The following ROBO2 variants were observed in gnomAD, a reference collection of about 807,000 sequenced individuals.
ROBO2 encodes the protein roundabout guidance receptor 2, also known as roundabout homolog 2.
ROBO2 carries 53 observed loss-of-function variants against 160.8 expected under a neutral mutation model. That is an observed-to-expected ratio of 0.33 (90% confidence interval 0.26 to 0.41). ROBO2 has a LOEUF of 0.41. Ranked by LOEUF, ROBO2 falls within the 10% of genes least tolerant of loss-of-function variation. The probability of loss-of-function intolerance (pLI) is 1.00; values close to 1 mark genes in which losing one functional copy is unlikely to be tolerated. For missense variants in ROBO2, 1,577 were observed against 1,722.4 expected (o/e 0.92, Z 1.49); for synonymous variants, 664 against 611.7 (o/e 1.09, Z -1.26).
At position 76,957,214 on chromosome 3, in the gene ROBO2, G is replaced by A. The variant is rs117561206; in HGVS notation, c.110-140800G>A. Among the ~76,000 whole-genome samples, 98 of 151,634 alleles carry A rather than the reference G, an allele frequency of 6.5e-4. 1 individual carries two copies. In the East Asian group the frequency reaches 0.018, roughly 28 times the overall value. ...GGCTGAATCGTTTATCTGTACTGTG[G>A]TTTTGATTGATTATATCCATTTGCT... is the stretch of plus-strand genomic sequence containing the variant. On this transcript the variant is annotated intron_variant, in intron 2 of 26. Coordinates refer to the ROBO2 transcript ENST00000487694.
chr3:76,259,925 C>G (rs148522373), intron 2 of ROBO2, among the ~76,000 whole-genome samples: 129 of 152,298 alleles, frequency 8.5e-4, no homozygotes, highest in South Asian at 2.3e-3. Flanking sequence ...GTCAGGCTAA[C>G]TTACAAACTC....
intron 2 of ROBO2, among the ~76,000 whole-genome samples, chr3:76,351,873 T>C (rs2074897129): frequency 6.6e-6 from 1 of 152,006 alleles, no homozygotes; most frequent in Non-Finnish European, 1.5e-5. Flanking sequence ...CTAGCAACCC[T>C]ATAGTATTGT....
chr3:76,058,130 T>C (rs936730283), intron 2 of ROBO2, among the ~76,000 whole-genome samples: 1 of 152,146 alleles, frequency 6.6e-6, no homozygotes, highest in Admixed American at 6.6e-5. Context: ...ATACTTTCAG[T>C]TCTGGGACAC....
At chr3:76,322,198 ATATAT>A (rs1471665046) in intron 2 of ROBO2, among the ~76,000 whole-genome samples, 4 of 110,802 alleles carry the variant, frequency 3.6e-5, no homozygotes, top group Admixed American at 1.8e-4. Flanking sequence ...ATATATATAT[ATATAT>A]AATATACACA....
chr3:76,564,493 C>T (rs1193284950), intron 2 of ROBO2, among the ~76,000 whole-genome samples: 5 of 152,182 alleles, frequency 3.3e-5, no homozygotes, highest in African/African-American at 1.2e-4. Flanking sequence ...ATAAGGAAGA[C>T]AGTCACAAGT....
chr3:77,014,159 A>C lies in ROBO2; in HGVS notation c.110-83855A>C, dbSNP rs57759540. 6.4e-3 allele frequency among the ~76,000 whole-genome samples: 967 copies of C among 152,100 alleles called. 7 individuals are homozygous for C. Among genetic ancestry groups the C allele is most frequent in the African/African-American group, 0.022 (909 of 41,466 alleles). On this transcript the variant is annotated intron_variant, in intron 2 of 26. Transcript: ENST00000487694. ...TCATTTTCTTCATTTTTGAGGCTGA[A>C]TTTTAGAGCGTATAAACATATAGTC... is the stretch of plus-strand genomic sequence containing the variant.
At chr3:77,017,490 T>G (rs2062347206) in intron 2 of ROBO2, among the ~76,000 whole-genome samples, 1 of 152,194 alleles carries the variant, frequency 6.6e-6, no homozygotes, top group Admixed American at 6.5e-5. Flanking sequence ...TCTTGAGCAT[T>G]AGTTCATGAA....
intron 2 of ROBO2, among the ~76,000 whole-genome samples, chr3:76,467,327 T>C (rs752207166): frequency 3.9e-5 from 6 of 152,124 alleles, no homozygotes; most frequent in Admixed American, 1.3e-4. Context: ...GTGTTTCTTA[T>C]AGAAAAGCTA....
chr3:77,172,413 T>TA (rs1464365919), intron 2 of ROBO2, among the ~76,000 whole-genome samples: 32 of 152,200 alleles, frequency 2.1e-4, no homozygotes, highest in African/African-American at 7.5e-4. Flanking sequence ...TGATTTTTTT[T>TA]TAAAAATGTG....
At chr3:77,140,372 A>G (rs1395158984) in intron 2 of ROBO2, among the ~76,000 whole-genome samples, 2 of 152,228 alleles carry the variant, frequency 1.3e-5, no homozygotes, top group Non-Finnish European at 2.9e-5. Flanking sequence ...AATTCAGTTC[A>G]GTAAACACTG....
intron 2 of ROBO2, among the ~76,000 whole-genome samples, chr3:76,738,190 G>T (rs781096907): frequency 3.3e-5 from 5 of 151,958 alleles, no homozygotes; most frequent in African/African-American, 1.2e-4. Flanking sequence ...TATTTATTGC[G>T]TGCCTACTCT....
At chr3:77,246,887 G>A (rs922819000) in intron 2 of ROBO2, among the ~76,000 whole-genome samples, 1 of 152,104 alleles carries the variant, frequency 6.6e-6, no homozygotes, top group Admixed American at 6.5e-5. Flanking sequence ...TCCAGGCAAG[G>A]AAACAGGAAA....
At chr3:77,069,732 A>ACCAGGT (rs1363728561) in intron 1 of ROBO2, among the ~76,000 whole-genome samples, 2 of 152,164 alleles carry the variant, frequency 1.3e-5, no homozygotes, top group African/African-American at 4.8e-5. Flanking sequence ...AGCAGCACGG[A>ACCAGGT]CCAGGTGCCT....
chr3:77,570,541 C>CT (rs1406588665), intron 13 of ROBO2, among the ~76,000 whole-genome samples: 1 of 151,816 alleles, frequency 6.6e-6, no homozygotes, highest in Non-Finnish European at 1.5e-5. Context: ...ACATTTTACA[C>CT]TTTTTTTAAT....
At chr3:76,316,172 G>C (rs889534755) in intron 2 of ROBO2, among the ~76,000 whole-genome samples, 1 of 152,114 alleles carries the variant, frequency 6.6e-6, no homozygotes, top group Admixed American at 6.6e-5. Context: ...AACAGGGTTC[G>C]AGAGCAGAGA....
chr3:76,236,165 ATATT>A (rs1245341982), intron 2 of ROBO2, among the ~76,000 whole-genome samples: 2 of 152,048 alleles, frequency 1.3e-5, no homozygotes. Flanking sequence ...TTATTTGCCT[ATATT>A]TAATTTTCTA....
At chr3:76,201,676 G>A (rs775033565) in intron 2 of ROBO2, among the ~76,000 whole-genome samples, 3 of 151,984 alleles carry the variant, frequency 2.0e-5, no homozygotes, top group African/African-American at 7.2e-5. Flanking sequence ...GAAGCAGACG[G>A]CCATAAACTT....
At chr3:76,582,487 A>G (rs1014481247) in intron 2 of ROBO2, among the ~76,000 whole-genome samples, 1 of 152,196 alleles carries the variant, frequency 6.6e-6, no homozygotes, top group African/African-American at 2.4e-5. Flanking sequence ...CACATAGATT[A>G]TGATGTTACT....
chr3:77,340,702 T>C (rs762273160), intron 2 of ROBO2, among the ~76,000 whole-genome samples: 11 of 152,134 alleles, frequency 7.2e-5, no homozygotes, highest in Non-Finnish European at 1.6e-4. Flanking sequence ...CTAGCTTTTG[T>C]ATTTTAAAGC....
Sources: gnomAD v4.1 joint callset for allele counts (sites outside exome capture counted in the v4.1 genomes callset) on GRCh38, gnomAD v4.1.1 for gene constraint, MANE v1.5 for transcripts, NCBI Gene and HGNC (gene_info 2026-07-23, HGNC 2026-07-21) for gene names.